TMOD1: variants seen among roughly 807,000 people sequenced by gnomAD.
TMOD1 encodes the protein tropomodulin 1.
In TMOD1, 17 loss-of-function variants were observed where a neutral mutation model predicts 40.6. The ratio of observed to expected loss-of-function variants is 0.42; its 90% CI spans 0.29 to 0.63. The LOEUF (loss-of-function observed/expected upper bound fraction) is 0.63, where lower values mean the gene tolerates loss of function less well. TMOD1 is among the 20% of genes least tolerant of loss of function. The pLI is 0.22. For missense variants in TMOD1, 391 were observed against 447.6 expected, an observed-to-expected ratio of 0.87 and a Z score of 1.14; for synonymous variants, 181 against 175.0, an observed-to-expected ratio of 1.03 and a Z score of -0.27.
chr9:97,581,369 C>T (rs1234681183), intron 8 of TMOD1, among the ~76,000 whole-genome samples: 1 of 151,492 alleles, frequency 6.6e-6, no homozygotes, highest in Non-Finnish European at 1.5e-5. Flanking sequence ...GTATATGTGC[C>T]ACATTTTCTT....
chr9:97,563,572 A>T (rs1830672831), intron 5 of TMOD1, among the ~76,000 whole-genome samples: 1 of 152,104 alleles, frequency 6.6e-6, no homozygotes, highest in Non-Finnish European at 1.5e-5. Flanking sequence ...TTCCTGTGCC[A>T]ATATTGCATT....
intron 3 of TMOD1, among the ~76,000 whole-genome samples, chr9:97,549,210 G>C (rs1463820364): frequency 1.3e-5 from 2 of 152,140 alleles, no homozygotes; most frequent in Admixed American, 1.3e-4. Flanking sequence ...ATTTTCTTAG[G>C]CATTCCAGGG....
intron 8 of TMOD1, among the ~76,000 whole-genome samples, chr9:97,589,429 G>A (rs1000050005): frequency 3.9e-4 from 58 of 150,072 alleles, no homozygotes; most frequent in South Asian, 1.0e-3. Context: ...GCGCCACCAC[G>A]CCCAGCTACT....
In TMOD1 at chr9:97,548,348, G is replaced by C. The variant is rs532507521; in HGVS notation, c.277+2007G>C. ...TTCCAAATCCTGGACTTGGAGCTCA[G>C]TCCAGGTTTCACTGAAAACTGGAAG... is the stretch of plus-strand genomic sequence containing the variant. On this transcript the variant is annotated intron_variant, in intron 3 of 9. Transcript: ENST00000259365. Among the ~76,000 whole-genome samples, 7 of 152,310 alleles carry C rather than the reference G, an allele frequency of 4.6e-5. No homozygotes were observed. In the South Asian group the frequency reaches 1.5e-3, roughly 32 times the overall value.
At chr9:97,518,131 G>T (rs1334351313) in intron 1 of TMOD1, among the ~76,000 whole-genome samples, 1 of 152,196 alleles carries the variant, frequency 6.6e-6, no homozygotes, top group African/African-American at 2.4e-5. Context: ...TGTTATTATG[G>T]GTTGGATTGT....
rs138150983 is a variant in TMOD1 at position 97,536,299 on chromosome 9, G to C, written c.121-9886G>C. Among the ~76,000 whole-genome samples the C allele has an allele frequency of 1.2e-4, 18 of 152,310 alleles. No homozygotes were observed. The East Asian group carries it at 2.7e-3, about 23-fold the overall frequency. On this transcript the variant is annotated intron_variant, in intron 2 of 9. Coordinates refer to ENST00000259365, the MANE Select transcript of TMOD1 (RefSeq NM_003275.4). ...AATCCCTTGTAAAAGGCAACTAGGG[G>C]AGTTGCTGGCCTGTGATAGGTTTGG...
intron 4 of TMOD1, among the ~76,000 whole-genome samples, chr9:97,555,997 A>AG (rs1830531087): frequency 6.6e-6 from 1 of 151,892 alleles, no homozygotes; most frequent in Non-Finnish European, 1.5e-5. Context: ...GGACCCGGGG[A>AG]GGGGGTCACA....
chr9:97,557,184 A>G lies in TMOD1; in HGVS notation c.397+3784A>G, dbSNP rs1230997634. 6.6e-6 allele frequency among the ~76,000 whole-genome samples: 1 copy of G among 152,168 alleles called. No individual in the cohort carries two copies. The highest frequency in any genetic ancestry group is 1.5e-5 in the Non-Finnish European group (1 of 68,014). On this transcript the variant is annotated intron_variant, in intron 4 of 9. Coordinates refer to ENST00000259365, the MANE Select transcript of TMOD1 (RefSeq NM_003275.4). This position sits in a 1 kb window ranked among gnomAD's most constrained non-coding sequence, Gnocchi z 4.4. ...AACCTTAAAATCTTTTATCACTTCA[A>G]CATGTAGATTTCAACATTAAAAGCG...
chr9:97,523,205 A>G (rs972033765), intron 1 of TMOD1, among the ~76,000 whole-genome samples: 2 of 152,226 alleles, frequency 1.3e-5, no homozygotes, highest in African/African-American at 4.8e-5. Context: ...TATGGGAAGT[A>G]GCAGAGACAG....
intron 2 of TMOD1, among the ~76,000 whole-genome samples, chr9:97,524,703 T>G (rs762943484): frequency 8.6e-5 from 13 of 151,576 alleles, no homozygotes; most frequent in African/African-American, 3.2e-4. Flanking sequence ...CCAGGAAGAG[T>G]TGGGTCTGGG....
At chr9:97,553,867 G>A (rs1830491940) in intron 4 of TMOD1, among the ~76,000 whole-genome samples, 4 of 152,142 alleles carry the variant, frequency 2.6e-5, no homozygotes, top group Admixed American at 6.5e-5. Context: ...CTTGTATATC[G>A]CATATTTGCC....
chr9:97,587,703 T>C (rs1421572350), intron 8 of TMOD1, among the ~76,000 whole-genome samples: 1 of 152,108 alleles, frequency 6.6e-6, no homozygotes, highest in African/African-American at 2.4e-5. Flanking sequence ...TTCTAGAAAA[T>C]TTTTATCACT....
rs543255062 is a variant in TMOD1 at position 97,591,631 on chromosome 9, G to C, written c.1015+196G>C. 9.5e-4 allele frequency among the ~76,000 whole-genome samples: 145 copies of C among 152,318 alleles called. 1 individual carries two copies. Among genetic ancestry groups the C allele is most frequent in the African/African-American group, 3.3e-3 (139 of 41,562 alleles). The stretch of plus-strand genomic sequence containing the variant: ...GACTACGAGCTCCTTGACTTCAGGA[G>C]CTAAGGCTGAGTCCTCTCCTCCTCA... On this transcript the variant is annotated intron_variant, in intron 9 of 9. Coordinates refer to ENST00000259365, the MANE Select transcript of TMOD1 (RefSeq NM_003275.4).
At position 97,571,271 on chromosome 9, in the gene TMOD1, G is replaced by A. The variant is rs995419874; in HGVS notation, c.870+2234G>A. Reference sequence around the variant, plus strand: ...GGTCACTGTGGTGGCAGCTGCCAGGGAGTTGCCCCTTCCCTCCACACACTA... The same window carrying A: ...GGTCACTGTGGTGGCAGCTGCCAGGAAGTTGCCCCTTCCCTCCACACACTA... On this transcript the variant is annotated intron_variant, in intron 8 of 9. Coordinates refer to ENST00000259365, the MANE Select transcript of TMOD1 (RefSeq NM_003275.4). 2.0e-5 allele frequency among the ~76,000 whole-genome samples: 3 copies of A among 152,204 alleles called. No individual in the cohort carries two copies. The East Asian group carries it at 5.8e-4, about 29-fold the overall frequency.
intron 2 of TMOD1, among the ~76,000 whole-genome samples, chr9:97,529,108 C>T (rs1379383265): frequency 6.6e-6 from 1 of 152,172 alleles, no homozygotes; most frequent in East Asian, 1.9e-4. Flanking sequence ...CACTCCAAGG[C>T]CTCATGGGAG....
In TMOD1 at chr9:97,599,597, GAAAAGT is replaced by G. The variant is rs767129039; in HGVS notation, c.1016-36_1016-31del. On this transcript the variant is annotated intron_variant, in intron 9 of 9. Coordinates refer to ENST00000259365, the MANE Select transcript of TMOD1 (RefSeq NM_003275.4). ...ACAGTGCTGGCCCCTGGTCTACAGG[GAAAAGT>G]GCCTTATATCTTATCTCCATTCCTT... 128 of 1,613,688 alleles carry G rather than the reference GAAAAGT, an allele frequency of 7.9e-5. No individual in the cohort carries two copies. In the Middle Eastern group the frequency reaches 1.5e-3, roughly 19 times the overall value.
At chr9:97,531,493 C>A (rs536129469) in intron 2 of TMOD1, among the ~76,000 whole-genome samples, 1 of 152,096 alleles carries the variant, frequency 6.6e-6, no homozygotes, top group Non-Finnish European at 1.5e-5. Flanking sequence ...CAACTGTAAT[C>A]CCAGCTACTT....
At position 97,513,929 on chromosome 9, in the gene TMOD1, AG is replaced by A. The variant is rs1180639006; in HGVS notation, c.-48-10211del. The A allele has an allele frequency of 6.6e-6, 1 of 152,324 alleles. No individual in the cohort carries two copies. The highest frequency in any genetic ancestry group is 2.4e-5 in the African/African-American group (1 of 41,470). The allele number at this position is 152,324 out of a possible 1,614,324, so 9.4% of individuals were successfully genotyped here. On this transcript the variant is annotated intron_variant, in intron 1 of 9. Transcript: ENST00000259365. The surrounding 1 kb of genome is among the most constrained non-coding windows in gnomAD (Gnocchi z 4.1). ...GACATTCACATGTAAGCCAAGGCTG[AG>A]TCTGGCCCTGGGGCCTTCAGAGCGT...
In TMOD1 at chr9:97,601,251, T is replaced by C. The variant is rs931189578; in HGVS notation, c.*1553T>C. Reference sequence around the variant, plus strand: ...ATATAATATTAAATCTGTTGGTCTATGCATGGCTGCGTATGTGTTTCTTGG... The same window carrying C: ...ATATAATATTAAATCTGTTGGTCTACGCATGGCTGCGTATGTGTTTCTTGG... On this transcript the variant is annotated 3_prime_UTR_variant, in exon 10 of 10. Coordinates refer to ENST00000259365, the MANE Select transcript of TMOD1 (RefSeq NM_003275.4). 5 of 1,228,328 alleles carry C rather than the reference T, an allele frequency of 4.1e-6. No individual in the cohort carries two copies. The African/African-American group carries it at 4.7e-5, about 12-fold the overall frequency. The allele number at this position is 1,228,328 out of a possible 1,614,324, so 76.1% of individuals were successfully genotyped here. A position where few individuals can be genotyped will look rare whatever the true frequency, so the allele number is the denominator to read the frequency against.
Sources: gnomAD v4.1 joint callset for allele counts (sites outside exome capture counted in the v4.1 genomes callset) on GRCh38, gnomAD v4.1.1 for gene constraint, Gnocchi (gnomAD v3.1) non-coding constraint, MANE v1.5 for transcripts, NCBI Gene and HGNC (gene_info 2026-07-23, HGNC 2026-07-21) for gene names.